The following LRFN2 variants were observed in gnomAD, a reference collection of about 807,000 sequenced individuals.
LRFN2 encodes the protein leucine-rich repeat and fibronectin type-III domain-containing protein 2.
In LRFN2, 18 loss-of-function variants were observed where a neutral mutation model predicts 37.3. That is an observed-to-expected ratio of 0.48 (90% confidence interval 0.33 to 0.72). LRFN2 has a LOEUF of 0.72. Ranked by LOEUF, LRFN2 falls within the 30% of genes least tolerant of loss-of-function variation. The pLI is 0.02. For missense variants in LRFN2, 1,006 were observed against 1,060.7 expected (o/e 0.95, Z 0.72); for synonymous variants, 556 against 466.6 (o/e 1.19, Z -2.47).
In LRFN2 at chr6:40,435,038, TATATATATATATATAGAGAGAGAGAG is replaced by T. The variant is rs1405903921; in HGVS notation, c.-18-1933_-18-1908del. On this transcript the variant is annotated intron_variant, in intron 1 of 2. Coordinates refer to ENST00000338305, the MANE Select transcript of LRFN2 (RefSeq NM_020737.3). ...ACATATATATATATATATATATATA[TATATATATATATATAGAGAGAGAGAG>T]AGAGAGAGAGAGAGAGAGAGAGAGA... 1.2e-3 allele frequency among the ~76,000 whole-genome samples: 113 copies of T among 93,106 alleles called. 1 individual carries two copies. Among genetic ancestry groups the T allele is most frequent in the African/African-American group, 4.8e-3 (102 of 21,436 alleles). The allele number at this position is 93,106 out of a possible 152,430, so 61.1% of individuals were successfully genotyped here.
chr6:40,457,951 G>C lies in LRFN2; in HGVS notation c.-18-24820C>G, dbSNP rs143505566. 3.1e-3 allele frequency among the ~76,000 whole-genome samples: 474 copies of C among 152,324 alleles called. 3 individuals are homozygous for C. The highest frequency in any genetic ancestry group is 0.01 in the African/African-American group (430 of 41,590). Reference sequence around the variant, plus strand: ...AAGGGGGCTGGGCAGTCCAGAAGTTGTAGCTACAGGAGAATGAAGCTATCA... The same window carrying C: ...AAGGGGGCTGGGCAGTCCAGAAGTTCTAGCTACAGGAGAATGAAGCTATCA... On this transcript the variant is annotated intron_variant, in intron 1 of 2. Transcript: ENST00000338305.
chr6:40,477,325 G>A (rs1294667124), intron 1 of LRFN2, among the ~76,000 whole-genome samples: 1 of 152,150 alleles, frequency 6.6e-6, no homozygotes, highest in Middle Eastern at 3.2e-3. Context: ...TCGAAGGCTG[G>A]CTGGGAAGAG....
At chr6:40,495,206 T>A (rs1765197816) in intron 1 of LRFN2, among the ~76,000 whole-genome samples, 1 of 152,216 alleles carries the variant, frequency 6.6e-6, no homozygotes, top group African/African-American at 2.4e-5. Flanking sequence ...AGACAACAGC[T>A]TTGATACACA....
intron 1 of LRFN2, among the ~76,000 whole-genome samples, chr6:40,548,440 C>CAAAAAAAAA (rs67639435): frequency 5.0e-4 from 71 of 142,718 alleles, no homozygotes; most frequent in African/African-American, 1.6e-3. Context: ...GACTCCATCT[C>CAAAAAAAAA]AAAAAAAAAA....
intron 1 of LRFN2, among the ~76,000 whole-genome samples, chr6:40,566,400 T>C (rs967049195): frequency 6.6e-6 from 1 of 152,172 alleles, no homozygotes; most frequent in Non-Finnish European, 1.5e-5. Context: ...ACCCAAAGGA[T>C]TATAAATCAT....
At chr6:40,503,998 G>C (rs1415540726) in intron 1 of LRFN2, among the ~76,000 whole-genome samples, 1 of 152,158 alleles carries the variant, frequency 6.6e-6, no homozygotes, top group East Asian at 1.9e-4. Flanking sequence ...TGTTCATGCA[G>C]GGGTGGCGAG....
At chr6:40,528,666 G>A (rs1309710642) in intron 1 of LRFN2, among the ~76,000 whole-genome samples, 1 of 152,148 alleles carries the variant, frequency 6.6e-6, no homozygotes, top group Non-Finnish European at 1.5e-5. Flanking sequence ...GATGGGTTTA[G>A]GTTTTTCTGG....
chr6:40,420,225 TG>T (rs1162019632), intron 2 of LRFN2, among the ~76,000 whole-genome samples: 1 of 152,106 alleles, frequency 6.6e-6, no homozygotes, highest in Non-Finnish European at 1.5e-5. Flanking sequence ...CACCCCGGGG[TG>T]GCCCATCGCG....
At chr6:40,456,459 C>G (rs1764237845) in intron 1 of LRFN2, among the ~76,000 whole-genome samples, 1 of 152,172 alleles carries the variant, frequency 6.6e-6, no homozygotes, top group South Asian at 2.1e-4. Context: ...CCTGAAGTAG[C>G]CTACTCTGTA....
intron 1 of LRFN2, among the ~76,000 whole-genome samples, chr6:40,464,397 T>C (rs1764412625): frequency 6.6e-6 from 1 of 152,194 alleles, no homozygotes; most frequent in Admixed American, 6.6e-5. Context: ...TTATGATGAA[T>C]TAATGCTGTT....
intron 2 of LRFN2, among the ~76,000 whole-genome samples, chr6:40,410,367 T>A (rs988638240): frequency 3.3e-5 from 5 of 152,066 alleles, no homozygotes; most frequent in African/African-American, 1.2e-4. Flanking sequence ...GGATGGGATA[T>A]TGGGGTTGTG....
At position 40,433,046 on chromosome 6, in the gene LRFN2, T is replaced by C; in HGVS notation, c.68A>G (p.Lys23Arg). The C allele has an allele frequency of 6.3e-7, 1 of 1,576,594 alleles. No homozygotes were observed. Among genetic ancestry groups the C allele is most frequent in the Non-Finnish European group, 8.6e-7 (1 of 1,162,268 alleles). ...MAFAVVDACP[K>R]YCVCQNLSES... Reference sequence around the variant, plus strand: ...AGACAGATTCTGGCAGACACAGTACTTGGGGCAGGCGTCGACCACGGCAAA... The same window carrying C: ...AGACAGATTCTGGCAGACACAGTACCTGGGGCAGGCGTCGACCACGGCAAA... The change falls in exon 2 of 3, where the codon AAG becomes AGG. Residue 23 changes from lysine to arginine, a missense_variant. Lys to Arg is a conservative substitution (Grantham distance 26). This residue lies in a region of LRFN2 where 185 missense variants were observed against 254.9 expected (regional missense o/e 0.73). Transcript: ENST00000338305.
intron 2 of LRFN2, among the ~76,000 whole-genome samples, chr6:40,418,234 G>C (rs1401151627): frequency 6.6e-6 from 1 of 152,066 alleles, no homozygotes. Flanking sequence ...TCACCTGCCT[G>C]ACTCTTTCAC....
intron 1 of LRFN2, among the ~76,000 whole-genome samples, chr6:40,530,582 A>G (rs746908140): frequency 9.9e-5 from 15 of 151,518 alleles, no homozygotes; most frequent in Admixed American, 3.9e-4. Flanking sequence ...CCCTTTCCCA[A>G]CTTCCTCAGA....
chr6:40,509,517 G>A (rs1270542192), intron 1 of LRFN2, among the ~76,000 whole-genome samples: 1 of 152,272 alleles, frequency 6.6e-6, no homozygotes, highest in East Asian at 1.9e-4. Flanking sequence ...GGTAAGGGGT[G>A]AGTGCATGCA....
intron 1 of LRFN2, among the ~76,000 whole-genome samples, chr6:40,532,114 C>T (rs554143199): frequency 6.6e-6 from 1 of 152,370 alleles, no homozygotes; most frequent in South Asian, 2.1e-4. Flanking sequence ...GACATCTGCA[C>T]AGCACACAGC....
intron 2 of LRFN2, among the ~76,000 whole-genome samples, chr6:40,396,158 G>T (rs148435908): frequency 6.6e-5 from 10 of 152,278 alleles, no homozygotes; most frequent in Non-Finnish European, 1.3e-4. Flanking sequence ...AGGGGATTAA[G>T]ACTCTTTTAA....
At chr6:40,414,815 C>T (rs866715699) in intron 2 of LRFN2, among the ~76,000 whole-genome samples, 7 of 152,326 alleles carry the variant, frequency 4.6e-5, no homozygotes, top group South Asian at 2.1e-4. Context: ...AAGCTGAACA[C>T]GGCCCTGGGC....
At chr6:40,443,739 G>GAAGGGACC (rs1763899021) in intron 1 of LRFN2, among the ~76,000 whole-genome samples, 1 of 152,148 alleles carries the variant, frequency 6.6e-6, no homozygotes, top group Non-Finnish European at 1.5e-5. Flanking sequence ...GATGTTTGAT[G>GAAGGGACC]AAGGGACCAT....
Sources: allele counts gnomAD v4.1 joint callset (sites outside exome capture counted in the v4.1 genomes callset), GRCh38; gene constraint gnomAD v4.1.1; regional missense constraint gnomAD v4.1.1; transcripts MANE v1.5; gene names NCBI Gene and HGNC (gene_info 2026-07-23, HGNC 2026-07-21).